The following SGCD variants were observed in gnomAD, a reference collection of about 807,000 sequenced individuals.
SGCD encodes the protein delta-sarcoglycan.
Under a neutral mutation model 36.6 loss-of-function variants are expected in SGCD, and 18 were observed. That is an observed-to-expected ratio of 0.49 (90% CI 0.34 to 0.73). SGCD has a LOEUF of 0.73. Among genes scored for constraint, SGCD ranks in the 30% least tolerant of loss-of-function variants. The pLI is 0.01. For synonymous variants in SGCD, 133 were observed against 130.6 expected (o/e 1.02, Z -0.12); for missense variants, 387 against 346.7 (o/e 1.12, Z -0.92).
At chr5:156,421,032 C>T (rs996834071) in intron 3 of SGCD, among the ~76,000 whole-genome samples, 2 of 151,642 alleles carry the variant, frequency 1.3e-5, no homozygotes, top group Admixed American at 6.6e-5. Context: ...TCTTATTTCC[C>T]TTAAATCAAA....
intron 4 of SGCD, among the ~76,000 whole-genome samples, chr5:156,582,899 C>G (rs1169579310): frequency 6.6e-6 from 1 of 152,144 alleles, no homozygotes; most frequent in African/African-American, 2.4e-5. Flanking sequence ...TCTTTGAATT[C>G]TTTGTAACCT....
chr5:156,471,545 C>A (rs1754964065), intron 3 of SGCD, among the ~76,000 whole-genome samples: 1 of 152,020 alleles, frequency 6.6e-6, no homozygotes, highest in South Asian at 2.1e-4. Context: ...GTGCTAAGGT[C>A]ATTCGATTTG....
intron 1 of SGCD, among the ~76,000 whole-genome samples, chr5:156,103,874 G>T (rs932934040): frequency 6.6e-6 from 1 of 152,034 alleles, no homozygotes; most frequent in Non-Finnish European, 1.5e-5. Flanking sequence ...TAAAAATGCA[G>T]AATTTTGCTT....
At chr5:155,814,400 C>T in the SGCD span, among the ~76,000 whole-genome samples, 4 of 152,174 alleles carry the variant, frequency 2.6e-5, no homozygotes, top group African/African-American at 9.7e-5. Flanking sequence ...TACGTATTCT[C>T]ATTGCTCCTT....
intron 1 of SGCD, among the ~76,000 whole-genome samples, chr5:155,950,662 A>G (rs1757531588): frequency 6.6e-6 from 1 of 152,128 alleles, no homozygotes; most frequent in African/African-American, 2.4e-5. Context: ...CTCTTCCCCA[A>G]AGACTTCCAG....
chr5:156,527,366 G>T (rs1010148256), intron 4 of SGCD, among the ~76,000 whole-genome samples: 1 of 152,178 alleles, frequency 6.6e-6, no homozygotes, highest in Middle Eastern at 3.2e-3. Context: ...CCAGGAGTTT[G>T]CTCTTACTAA....
the SGCD span, among the ~76,000 whole-genome samples, chr5:155,757,849 A>G: frequency 6.6e-6 from 1 of 152,284 alleles, no homozygotes; most frequent in South Asian, 2.1e-4. Flanking sequence ...TAATTGAATC[A>G]TGGGGGCAGG....
At chr5:155,766,432 G>A in the SGCD span, among the ~76,000 whole-genome samples, 2 of 152,084 alleles carry the variant, frequency 1.3e-5, no homozygotes, top group Non-Finnish European at 2.9e-5. Flanking sequence ...TAGAAGAATG[G>A]ACTATGTGTT....
the SGCD span, among the ~76,000 whole-genome samples, chr5:155,761,814 A>C: frequency 2.2e-5 from 3 of 139,248 alleles, no homozygotes; most frequent in Non-Finnish European, 3.2e-5. Context: ...CTCACCATCA[A>C]CCTTTCCATC....
chr5:156,049,092 C>T (rs1443407395), intron 1 of SGCD, among the ~76,000 whole-genome samples: 1 of 146,346 alleles, frequency 6.8e-6, no homozygotes, highest in African/African-American at 2.5e-5. Flanking sequence ...ATCCTTTTCC[C>T]ATTTCTTGTT....
At chr5:156,534,970 A>G (rs1758038757) in intron 4 of SGCD, among the ~76,000 whole-genome samples, 1 of 152,194 alleles carries the variant, frequency 6.6e-6, no homozygotes, top group Non-Finnish European at 1.5e-5. Flanking sequence ...AAGATTCCTT[A>G]TATTCATCTC....
intron 3 of SGCD, among the ~76,000 whole-genome samples, chr5:156,392,538 G>C (rs963815102): frequency 2.0e-5 from 3 of 152,190 alleles, no homozygotes; most frequent in Admixed American, 2.0e-4. Context: ...GTGTTACAGG[G>C]TGCTCTTTTA....
chr5:155,803,095 A>G, the SGCD span, among the ~76,000 whole-genome samples: 3 of 152,326 alleles, frequency 2.0e-5, no homozygotes, highest in Middle Eastern at 3.4e-3. Flanking sequence ...TTCTCTAGCT[A>G]CTCTGTTCAA....
At chr5:155,918,357 G>A (rs1756800128) in intron 1 of SGCD, among the ~76,000 whole-genome samples, 1 of 152,162 alleles carries the variant, frequency 6.6e-6, no homozygotes, top group South Asian at 2.1e-4. Context: ...GAGATTAGGA[G>A]TTTGAGACCA....
At chr5:156,266,963 C>T (rs1247697774) in intron 3 of SGCD, among the ~76,000 whole-genome samples, 2 of 152,142 alleles carry the variant, frequency 1.3e-5, no homozygotes, top group Non-Finnish European at 2.9e-5. Context: ...CATTGATCTT[C>T]TTACTGTAAG....
At chr5:155,752,539 C>T in the SGCD span, among the ~76,000 whole-genome samples, 1 of 152,192 alleles carries the variant, frequency 6.6e-6, no homozygotes, top group Non-Finnish European at 1.5e-5. Flanking sequence ...TAACTCTCCA[C>T]TCTTTTGTTG....
chr5:156,132,380 C>A lies in SGCD; in HGVS notation c.-44+8361C>A, dbSNP rs565089706. On this transcript the variant is annotated intron_variant, in intron 3 of 9. Transcript: ENST00000517913. ...GATCACTTTTGTACTTGTCTGTTTT[C>A]TTTGGATGTGGAAATGATGGTTTTT... Among the ~76,000 whole-genome samples, 9 of 143,004 alleles carry A rather than the reference C, an allele frequency of 6.3e-5. No individual in the cohort carries two copies. In the South Asian group the frequency reaches 2.0e-3, roughly 32 times the overall value. 93.8% of individuals were successfully genotyped at this position (143,004 alleles called of 152,430 possible). A position where few individuals can be genotyped will look rare whatever the true frequency, so the allele number is the denominator to read the frequency against.
At chr5:156,084,222 A>G (rs1037821033) in intron 1 of SGCD, among the ~76,000 whole-genome samples, 6 of 152,180 alleles carry the variant, frequency 3.9e-5, no homozygotes, top group African/African-American at 1.4e-4. Flanking sequence ...AGTCCATTCT[A>G]TGGATGCGGT....
intron 1 of SGCD, among the ~76,000 whole-genome samples, chr5:155,883,771 G>T (rs1345807007): frequency 1.6e-5 from 2 of 124,662 alleles, no homozygotes; most frequent in South Asian, 2.6e-4. Flanking sequence ...TGGATGCAGG[G>T]TTACCACAAA....
Sources: allele counts gnomAD v4.1 joint callset (sites outside exome capture counted in the v4.1 genomes callset), GRCh38; gene constraint gnomAD v4.1.1; transcripts MANE v1.5; gene names NCBI Gene and HGNC (gene_info 2026-07-23, HGNC 2026-07-21).